The following AGAP1 variants were observed in gnomAD, a reference collection of about 807,000 sequenced individuals.
The protein encoded by AGAP1 is arf-GAP with GTPase, ANK repeat and PH domain-containing protein 1.
Under a neutral mutation model 105.3 loss-of-function variants are expected in AGAP1, and 29 were observed. That is an observed-to-expected ratio of 0.28 (90% confidence interval 0.21 to 0.38). AGAP1 has a LOEUF of 0.38. Among genes scored for constraint, AGAP1 ranks in the 10% least tolerant of loss-of-function variants. The pLI is 1.00. For synonymous variants in AGAP1, 509 were observed against 485.9 expected (o/e 1.05, Z -0.63); for missense variants, 998 against 1,165.1 (o/e 0.86, Z 2.09).
chr2:235,728,025 C>A lies in AGAP1; in HGVS notation c.310+10381C>A, dbSNP rs557101608. ...AGCTGGGATTGCCTCTCGCAACTCC[C>A]CAAAGAAAATGCTGCGTCCTTGTAA... On this transcript the variant is annotated intron_variant, in intron 3 of 17. Coordinates refer to ENST00000304032, the MANE Select transcript of AGAP1 (RefSeq NM_001037131.3). This position sits in a 1 kb window ranked among gnomAD's most constrained non-coding sequence, Gnocchi z 4.3. Among the ~76,000 whole-genome samples, 3 of 152,252 alleles carry A rather than the reference C, an allele frequency of 2.0e-5. No homozygotes were observed. Among genetic ancestry groups the A allele is most frequent in the African/African-American group, 7.2e-5 (3 of 41,538 alleles).
intron 12 of AGAP1, among the ~76,000 whole-genome samples, chr2:235,932,785 C>T (rs1026145218): frequency 2.7e-4 from 41 of 152,334 alleles, no homozygotes; most frequent in African/African-American, 9.4e-4. Context: ...GTGCAGTGGG[C>T]GTTTCCACAC....
chr2:236,007,029 G>A (rs1196975690), intron 13 of AGAP1, among the ~76,000 whole-genome samples: 1 of 152,164 alleles, frequency 6.6e-6, no homozygotes, highest in Non-Finnish European at 1.5e-5. Flanking sequence ...TGCTAAAAAA[G>A]TTGTGAAGTT....
intron 1 of AGAP1, chr2:235,670,692 C>T (rs1948355450): frequency 1.8e-5 from 13 of 715,674 alleles, no homozygotes; most frequent in Non-Finnish European, 2.7e-5. Context: ...CTGGAGCCCG[C>T]GACCGCCACG....
intron 13 of AGAP1, among the ~76,000 whole-genome samples, chr2:236,026,873 C>CA (rs1189324434): frequency 6.6e-6 from 1 of 152,188 alleles, no homozygotes; most frequent in Non-Finnish European, 1.5e-5. Context: ...GAGACCCTTC[C>CA]AGCCCCTATG....
intron 9 of AGAP1, among the ~76,000 whole-genome samples, chr2:235,881,112 CAACAATGTCT>C (rs1232122057): frequency 6.6e-6 from 1 of 152,168 alleles, no homozygotes; most frequent in Non-Finnish European, 1.5e-5. Context: ...TTCCCTTAAG[CAACAATGTCT>C]AATGGTGATT....
intron 13 of AGAP1, among the ~76,000 whole-genome samples, chr2:235,985,106 C>G (rs945280994): frequency 6.3e-4 from 96 of 152,312 alleles, no homozygotes; most frequent in African/African-American, 2.2e-3. Context: ...GTAGCCTCAC[C>G]AGCATCTTTT....
In AGAP1 at chr2:235,919,965, G is replaced by T. The variant is rs572257533; in HGVS notation, c.1325-10800G>T. On this transcript the variant is annotated intron_variant, in intron 11 of 17. Coordinates refer to ENST00000304032, the MANE Select transcript of AGAP1 (RefSeq NM_001037131.3). This position sits in a 1 kb window ranked among gnomAD's most constrained non-coding sequence, Gnocchi z 4.1. Reference sequence around the variant, plus strand: ...ACACTGTCGGAATCTGGAGCAGCACGTGTTCCTTCAGCAGATAAAAATGGC... The same window carrying T: ...ACACTGTCGGAATCTGGAGCAGCACTTGTTCCTTCAGCAGATAAAAATGGC... Among the ~76,000 whole-genome samples, 3 of 152,180 alleles carry T rather than the reference G, an allele frequency of 2.0e-5. No individual in the cohort carries two copies. In the East Asian group the frequency reaches 5.8e-4, roughly 29 times the overall value.
Position 236,036,959 on chromosome 2 carries a change from T to A in AGAP1, c.1800+244T>A, listed in dbSNP as rs2057401716. ...GAGAGCCAAGGTTAAATCTTCAGTC[T>A]GTCAGCCAATCCCAGAGGGAATCTT... On this transcript the variant is annotated intron_variant, in intron 14 of 17. Coordinates refer to ENST00000304032, the MANE Select transcript of AGAP1 (RefSeq NM_001037131.3). This position sits in a 1 kb window ranked among gnomAD's most constrained non-coding sequence, Gnocchi z 5.7. 6.6e-6 allele frequency among the ~76,000 whole-genome samples: 1 copy of A among 152,234 alleles called. No homozygotes were observed.
chr2:236,075,648 T>G (rs909940605), intron 16 of AGAP1, among the ~76,000 whole-genome samples: 2 of 152,114 alleles, frequency 1.3e-5, no homozygotes, highest in African/African-American at 2.4e-5. Flanking sequence ...CCAGGAGCTT[T>G]GAGGAGCTGC....
At position 236,087,835 on chromosome 2, in the gene AGAP1, T is replaced by G. The variant is rs1261925052; in HGVS notation, c.2115-32357T>G. ...CTTTTGAATGGGCTATGGGGAGGAA[T>G]AGACCAGAGGTCTTTGCCAGGAGGA... On this transcript the variant is annotated intron_variant, in intron 16 of 17. Coordinates refer to ENST00000304032, the MANE Select transcript of AGAP1 (RefSeq NM_001037131.3). This position sits in a 1 kb window ranked among gnomAD's most constrained non-coding sequence, Gnocchi z 5.7. 6.6e-5 allele frequency among the ~76,000 whole-genome samples: 10 copies of G among 152,188 alleles called. No homozygotes were observed. The highest frequency in any genetic ancestry group is 1.5e-4 in the Non-Finnish European group (10 of 68,024).
intron 1 of AGAP1, among the ~76,000 whole-genome samples, chr2:235,509,034 TG>T (rs1343912451): frequency 6.6e-6 from 1 of 152,182 alleles, no homozygotes; most frequent in Non-Finnish European, 1.5e-5. Flanking sequence ...CCTAGCCGTG[TG>T]GGGTGTGTGC....
chr2:236,081,857 G>A (rs1009388876), intron 16 of AGAP1, among the ~76,000 whole-genome samples: 1 of 152,032 alleles, frequency 6.6e-6, no homozygotes, highest in African/African-American at 2.4e-5. Context: ...TTCTTCTCAG[G>A]GGGATGAAAG....
rs1487709036 is a variant in AGAP1, at chr2:235,700,861, C to T, written c.164-8318C>T. Reference sequence around the variant, plus strand: ...ATATTATATATGTATATATTGTATACTCTACATAGTATATATTTATAATAT... The same window carrying T: ...ATATTATATATGTATATATTGTATATTCTACATAGTATATATTTATAATAT... On this transcript the variant is annotated intron_variant, in intron 1 of 17. Coordinates refer to ENST00000304032, the MANE Select transcript of AGAP1 (RefSeq NM_001037131.3). This position sits in a 1 kb window ranked among gnomAD's most constrained non-coding sequence, Gnocchi z 6.1. Among the ~76,000 whole-genome samples the T allele has an allele frequency of 1.4e-5, 2 of 147,432 alleles. No homozygotes were observed. The highest frequency in any genetic ancestry group is 1.9e-4 in the East Asian group (1 of 5,134).
intron 1 of AGAP1, among the ~76,000 whole-genome samples, chr2:235,597,776 G>A (rs1473666963): frequency 3.1e-5 from 4 of 129,732 alleles, no homozygotes; most frequent in African/African-American, 5.6e-5. Flanking sequence ...GAGCGTGCAC[G>A]CGCTCCCGTG....
intron 12 of AGAP1, among the ~76,000 whole-genome samples, chr2:235,966,848 G>A (rs2054423596): frequency 6.6e-6 from 1 of 152,158 alleles, no homozygotes; most frequent in South Asian, 2.1e-4. Context: ...CTGCCTTAGG[G>A]CGGCCAGGAA....
chr2:235,927,192 C>T lies in AGAP1; in HGVS notation c.1325-3573C>T, dbSNP rs765116312. Among the ~76,000 whole-genome samples, 28 of 152,242 alleles carry T rather than the reference C, an allele frequency of 1.8e-4. No individual in the cohort carries two copies. The highest frequency in any genetic ancestry group is 3.2e-4 in the Non-Finnish European group (22 of 68,018). On this transcript the variant is annotated intron_variant, in intron 11 of 17. Transcript: ENST00000304032. This position sits in a 1 kb window ranked among gnomAD's most constrained non-coding sequence, Gnocchi z 4.4. ...TGGGGGGCCTTCACGAGCTATAGGG[C>T]TCTAAGAGTCTGCCGTCAGAAGGAT... is the stretch of plus-strand genomic sequence containing the variant.
At chr2:235,939,634 A>G (rs2053165049) in intron 12 of AGAP1, among the ~76,000 whole-genome samples, 2 of 151,900 alleles carry the variant, frequency 1.3e-5, no homozygotes, top group South Asian at 4.2e-4. Flanking sequence ...TCATCAGCCC[A>G]GCACCCTCCA....
intron 13 of AGAP1, among the ~76,000 whole-genome samples, chr2:236,011,466 C>A (rs1182907848): frequency 1.3e-5 from 2 of 152,190 alleles, no homozygotes; most frequent in Non-Finnish European, 2.9e-5. Context: ...GCTGAGACAT[C>A]CTGCCGCATA....
At chr2:235,894,335 T>G (rs552363746) in intron 10 of AGAP1, among the ~76,000 whole-genome samples, 2 of 152,266 alleles carry the variant, frequency 1.3e-5, no homozygotes, top group African/African-American at 4.8e-5. Context: ...CTCACATCCT[T>G]GAGTCCGTGA....
Sources: gnomAD v4.1 joint callset for allele counts (sites outside exome capture counted in the v4.1 genomes callset) on GRCh38, gnomAD v4.1.1 for gene constraint, Gnocchi (gnomAD v3.1) non-coding constraint, MANE v1.5 for transcripts, NCBI Gene and HGNC (gene_info 2026-07-23, HGNC 2026-07-21) for gene names.